GRIN3A: variants seen among roughly 807,000 people sequenced by gnomAD.
GRIN3A encodes the protein glutamate receptor ionotropic, NMDA 3A.
GRIN3A carries 47 observed loss-of-function variants against 92.4 expected under a neutral mutation model. That is an observed-to-expected ratio of 0.51 (90% CI 0.40 to 0.65). GRIN3A has a LOEUF of 0.65. GRIN3A is among the 30% of genes least tolerant of loss of function. GRIN3A has a pLI of 0.00. For missense variants in GRIN3A, 1,324 were observed against 1,393.1 expected (o/e 0.95, Z 0.79); for synonymous variants, 527 against 540.6 (o/e 0.97, Z 0.35).
rs183320408 is a variant in GRIN3A at position 101,654,096 on chromosome 9, T to G, written c.2352+15964A>C. ...GGTCTCTTTTAAAATTGCGTACCTA[T>G]TTTTTCATTCAATACAGTGTTTTAT... On this transcript the variant is annotated intron_variant, in intron 3 of 8. Transcript: ENST00000361820. Among the ~76,000 whole-genome samples the G allele has an allele frequency of 7.2e-4, 109 of 151,834 alleles. No homozygotes were observed. The East Asian group carries it at 0.014, about 20-fold the overall frequency.
At chr9:101,644,716 C>T (rs962727078) in intron 3 of GRIN3A, among the ~76,000 whole-genome samples, 4 of 151,876 alleles carry the variant, frequency 2.6e-5, no homozygotes, top group Admixed American at 6.6e-5. Flanking sequence ...AATGTATTAT[C>T]TCTTTTTCCT....
intron 3 of GRIN3A, among the ~76,000 whole-genome samples, chr9:101,634,696 G>GA: frequency 6.6e-6 from 1 of 152,040 alleles, no homozygotes. Context: ...CAAGTCTTGT[G>GA]AAAATCCAAC....
chr9:101,597,396 C>A (rs1046893194), intron 6 of GRIN3A, among the ~76,000 whole-genome samples: 1 of 152,138 alleles, frequency 6.6e-6, no homozygotes, highest in East Asian at 1.9e-4. Flanking sequence ...TAATGCTGAG[C>A]AGACAGAACA....
At chr9:101,737,156 G>A in intron 1 of GRIN3A, 125 bp downstream of exon 1, 1 of 766,168 alleles carries the variant, frequency 1.3e-6, no homozygotes, top group Non-Finnish European at 2.3e-6. Flanking sequence ...CAATCGTTAA[G>A]CAATATCAAA....
chr9:101,577,885 A>G lies in GRIN3A; in HGVS notation c.2932-41T>C, dbSNP rs752951383. On this transcript the variant is annotated intron_variant, in intron 7 of 8. Coordinates refer to ENST00000361820, the MANE Select transcript of GRIN3A (RefSeq NM_133445.3). ...GATTCACAGGTAGAAATTATGAGAA[A>G]CACATAGGTCAGGGAACAAAGAACC... The G allele has an allele frequency of 7.7e-6, 11 of 1,427,090 alleles. No individual in the cohort carries two copies. The African/African-American group carries it at 1.5e-4, about 20-fold the overall frequency. 88.4% of individuals were successfully genotyped at this position (1,427,090 alleles called of 1,614,324 possible).
At chr9:101,704,807 ATATTT>A (rs973590887) in intron 1 of GRIN3A, among the ~76,000 whole-genome samples, 43 of 152,130 alleles carry the variant, frequency 2.8e-4, no homozygotes, top group African/African-American at 9.9e-4. Flanking sequence ...TTAATTTAAG[ATATTT>A]TAATTTAATT....
chr9:101,677,329 T>C (rs1326359801), intron 2 of GRIN3A, among the ~76,000 whole-genome samples: 2 of 152,062 alleles, frequency 1.3e-5, no homozygotes, highest in Admixed American at 1.3e-4. Flanking sequence ...AGTTGGCTCA[T>C]TGTTTCTTTA....
intron 1 of GRIN3A, among the ~76,000 whole-genome samples, chr9:101,697,177 A>G (rs1431340148): frequency 2.6e-5 from 4 of 152,194 alleles, no homozygotes; most frequent in African/African-American, 9.7e-5. Context: ...GCAGTATCTC[A>G]ATACATTTCT....
chr9:101,641,971 A>G (rs1423367914), intron 3 of GRIN3A, among the ~76,000 whole-genome samples: 1 of 152,150 alleles, frequency 6.6e-6, no homozygotes, highest in Non-Finnish European at 1.5e-5. Context: ...TTAAAAAGTA[A>G]CTAAAAAGTT....
intron 3 of GRIN3A, among the ~76,000 whole-genome samples, chr9:101,659,091 A>G (rs1829134167): frequency 6.6e-6 from 1 of 151,928 alleles, no homozygotes; most frequent in African/African-American, 2.4e-5. Flanking sequence ...ACTACCTGCA[A>G]CTTCATACAC....
In GRIN3A at chr9:101,573,509, T is replaced by G; in HGVS notation, c.3013A>C (p.Asn1005His). Reference protein sequence around the residue: ...FKTKRVEKRSNVGPRQLTVWN... With the variant: ...FKTKRVEKRSHVGPRQLTVWN... ...ACGGTAAGCTGACGGGGTCCCACAT[T>G]AGACCTAGGAAACAGAGAAATTTTA... The change falls in exon 9 of 9, where the codon AAT becomes CAT. Residue 1005 changes from asparagine (N) to histidine (H), a missense_variant. Transcript: ENST00000361820. 1 of 1,612,872 alleles carries G rather than the reference T, an allele frequency of 6.2e-7. No homozygotes were observed. Among genetic ancestry groups the G allele is most frequent in the Non-Finnish European group, 8.5e-7 (1 of 1,178,916 alleles).
intron 2 of GRIN3A, among the ~76,000 whole-genome samples, chr9:101,672,374 T>A (rs1829339185): frequency 6.6e-6 from 1 of 152,196 alleles, no homozygotes; most frequent in Admixed American, 6.5e-5. Flanking sequence ...TCCAGGTTAC[T>A]TTTTCCAATA....
chr9:101,642,624 T>G (rs948632819), intron 3 of GRIN3A, among the ~76,000 whole-genome samples: 1 of 152,150 alleles, frequency 6.6e-6, no homozygotes, highest in African/African-American at 2.4e-5. Context: ...CATGGCCTGT[T>G]AAGAACTGGC....
At chr9:101,676,464 A>T (rs1444924325) in intron 2 of GRIN3A, among the ~76,000 whole-genome samples, 1 of 151,960 alleles carries the variant, frequency 6.6e-6, no homozygotes, top group Non-Finnish European at 1.5e-5. Context: ...CTTGAAAACT[A>T]AGCTGAAGTT....
intron 1 of GRIN3A, among the ~76,000 whole-genome samples, chr9:101,711,778 A>G (rs7043519): frequency 0.081 from 12,332 of 152,198 alleles, 782 homozygotes; most frequent in African/African-American, 0.17. Context: ...TGGACAGAGT[A>G]GGGGTGGGTG....
rs1262419733 is a variant in GRIN3A, at chr9:101,571,194, A to G, written c.*1980T>C. 2 of 152,172 alleles carry G rather than the reference A, an allele frequency of 1.3e-5. No individual in the cohort carries two copies. The highest frequency in any genetic ancestry group is 4.8e-5 in the African/African-American group (2 of 41,422). The allele number at this position is 152,172 out of a possible 1,614,324, so 9.4% of individuals were successfully genotyped here. On this transcript the variant is annotated 3_prime_UTR_variant, in exon 9 of 9. Coordinates refer to ENST00000361820, the MANE Select transcript of GRIN3A (RefSeq NM_133445.3). The stretch of plus-strand genomic sequence containing the variant: ...TTCAGGGCTCACCTGTTTCCTCATT[A>G]TTGAACTGTTTCATCTGTGGAGTTG...
chr9:101,685,649 C>G (rs893933096), intron 2 of GRIN3A, among the ~76,000 whole-genome samples: 2 of 151,498 alleles, frequency 1.3e-5, no homozygotes, highest in African/African-American at 2.4e-5. Context: ...CATTTTCGTT[C>G]TAGTTTCTGA....
In GRIN3A at chr9:101,708,687, C is replaced by T. The variant is rs73658431; in HGVS notation, c.700-21487G>A. Among the ~76,000 whole-genome samples, 381 of 152,234 alleles carry T rather than the reference C, an allele frequency of 2.5e-3. 2 individuals are homozygous for T. The highest frequency in any genetic ancestry group is 8.6e-3 in the African/African-American group (356 of 41,552). On this transcript the variant is annotated intron_variant, in intron 1 of 8. Coordinates refer to ENST00000361820, the MANE Select transcript of GRIN3A (RefSeq NM_133445.3). The stretch of plus-strand genomic sequence containing the variant: ...CATCTTTGTTCAAAGCATAAATCTT[C>T]AGAAATAATGGAGTAGTGATTTGTC...
intron 3 of GRIN3A, among the ~76,000 whole-genome samples, chr9:101,639,627 G>A (rs17197320): frequency 0.12 from 17,904 of 152,216 alleles, 1,283 homozygotes; most frequent in East Asian, 0.17. Context: ...GTCTAGTGAT[G>A]TAAGCCTTTT....
Sources: gnomAD v4.1 joint callset for allele counts (sites outside exome capture counted in the v4.1 genomes callset) on GRCh38, gnomAD v4.1.1 for gene constraint, MANE v1.5 for transcripts, NCBI Gene and HGNC (gene_info 2026-07-23, HGNC 2026-07-21) for gene names.